CNTNAP5: variants seen among roughly 807,000 people sequenced by gnomAD.
The protein encoded by CNTNAP5 is contactin associated protein family member 5.
CNTNAP5 carries 72 observed loss-of-function variants against 150.2 expected under a neutral mutation model. That is an observed-to-expected ratio of 0.48 (90% CI 0.40 to 0.58). The LOEUF (loss-of-function observed/expected upper bound fraction) is 0.58. Ranked by LOEUF, CNTNAP5 falls within the 20% of genes least tolerant of loss-of-function variation. CNTNAP5 has a pLI of 0.00. For missense variants in CNTNAP5, 1,636 were observed against 1,626.2 expected, an observed-to-expected ratio of 1.01 and a Z score of -0.10; for synonymous variants, 672 against 619.8, an observed-to-expected ratio of 1.08 and a Z score of -1.25.
rs6715888 is a variant in CNTNAP5 at position 124,589,928 on chromosome 2, A to G, written c.1757-19873A>G. Among the ~76,000 whole-genome samples, 1,188 of 152,286 alleles carry G rather than the reference A, an allele frequency of 7.8e-3. 15 individuals are homozygous for G. Among genetic ancestry groups the G allele is most frequent in the African/African-American group, 0.027 (1,129 of 41,570 alleles). ...ATGTTGAAAACTTAATGCTTAATGC[A>G]GCAGTGTTGGGAGGTGGGACCTTTA... On this transcript the variant is annotated intron_variant, in intron 11 of 23. Coordinates refer to ENST00000682447, the MANE Select transcript of CNTNAP5 (RefSeq NM_001367498.1).
chr2:124,077,434 T>G (rs1682464888), intron 1 of CNTNAP5, among the ~76,000 whole-genome samples: 2 of 152,184 alleles, frequency 1.3e-5, no homozygotes, highest in African/African-American at 4.8e-5. Flanking sequence ...TTTCTGACAT[T>G]TGTGTTGTCA....
intron 6 of CNTNAP5, among the ~76,000 whole-genome samples, chr2:124,470,721 A>G (rs1211041886): frequency 6.6e-6 from 1 of 152,072 alleles, no homozygotes; most frequent in African/African-American, 2.4e-5. Context: ...TAAGTCTTTA[A>G]TCCATCTTGA....
intron 18 of CNTNAP5, among the ~76,000 whole-genome samples, chr2:124,791,307 A>G (rs1400504246): frequency 6.6e-6 from 1 of 152,206 alleles, no homozygotes; most frequent in East Asian, 1.9e-4. Flanking sequence ...CCTGAAGAGC[A>G]TGTCATGCTT....
chr2:124,890,239 T>A (rs192361510), intron 21 of CNTNAP5, among the ~76,000 whole-genome samples: 56 of 152,232 alleles, frequency 3.7e-4, no homozygotes, highest in African/African-American at 1.3e-3. Flanking sequence ...AATCTTTCTC[T>A]GGTCATAGAA....
At chr2:124,828,149 GT>G (rs1175107188) in intron 19 of CNTNAP5, among the ~76,000 whole-genome samples, 2 of 152,068 alleles carry the variant, frequency 1.3e-5, no homozygotes, top group Non-Finnish European at 2.9e-5. Flanking sequence ...TTTTTCAAAG[GT>G]TGTAAAGTTT....
chr2:124,597,914 C>T (rs1394083281), intron 11 of CNTNAP5, among the ~76,000 whole-genome samples: 1 of 135,922 alleles, frequency 7.4e-6, no homozygotes, highest in African/African-American at 2.7e-5. Flanking sequence ...TTGCTGATAC[C>T]CTTTCTTCCA....
At chr2:124,243,664 G>C (rs1477593751) in intron 3 of CNTNAP5, among the ~76,000 whole-genome samples, 1 of 152,126 alleles carries the variant, frequency 6.6e-6, no homozygotes, top group African/African-American at 2.4e-5. Flanking sequence ...CTTGAAGGGA[G>C]AGGTTGGGAG....
At chr2:124,248,549 C>T (rs2104776525) in intron 3 of CNTNAP5, among the ~76,000 whole-genome samples, 1 of 152,370 alleles carries the variant, frequency 6.6e-6, no homozygotes, top group East Asian at 1.9e-4. Flanking sequence ...AACAGCTGGT[C>T]TTCACCCCAG....
At chr2:124,573,762 TC>T (rs1173268406) in intron 11 of CNTNAP5, among the ~76,000 whole-genome samples, 1 of 152,204 alleles carries the variant, frequency 6.6e-6, no homozygotes, top group Non-Finnish European at 1.5e-5. Context: ...CATTTGTGCC[TC>T]CACTTTGAAT....
intron 8 of CNTNAP5, among the ~76,000 whole-genome samples, chr2:124,518,035 A>G (rs1282721819): frequency 6.6e-6 from 1 of 152,000 alleles, no homozygotes; most frequent in Non-Finnish European, 1.5e-5. Context: ...GTGCTGCTAC[A>G]CATCTGACAC....
Position 124,295,839 on chromosome 2 carries a change from A to G in CNTNAP5, c.381+53446A>G, listed in dbSNP as rs538397608. On this transcript the variant is annotated intron_variant, in intron 3 of 23. Coordinates refer to ENST00000682447, the MANE Select transcript of CNTNAP5 (RefSeq NM_001367498.1). The stretch of plus-strand genomic sequence containing the variant: ...TATAGGGTAACTTCCTGACATTGCC[A>G]TGGCAGTTACCATCATTCTGACTTT... Among the ~76,000 whole-genome samples the G allele has an allele frequency of 3.3e-5, 5 of 152,292 alleles. No homozygotes were observed. In the South Asian group the frequency reaches 1.0e-3, roughly 32 times the overall value.
At chr2:124,369,545 T>C (rs553689942) in intron 3 of CNTNAP5, among the ~76,000 whole-genome samples, 60 of 152,290 alleles carry the variant, frequency 3.9e-4, no homozygotes, top group African/African-American at 1.4e-3. Context: ...TGATTCTAAA[T>C]CAGAGATAGG....
chr2:124,276,310 T>C (rs1687882793), intron 3 of CNTNAP5, among the ~76,000 whole-genome samples: 2 of 152,172 alleles, frequency 1.3e-5, no homozygotes, highest in African/African-American at 4.8e-5. Flanking sequence ...ACTTCAAATA[T>C]GAAATGATGT....
At chr2:124,675,970 G>A (rs145187521) in intron 13 of CNTNAP5, among the ~76,000 whole-genome samples, 1 of 152,220 alleles carries the variant, frequency 6.6e-6, no homozygotes, top group East Asian at 1.9e-4. Context: ...ATAATATAAT[G>A]TGGAAATTCT....
At chr2:124,539,820 C>A (rs910634060) in intron 10 of CNTNAP5, among the ~76,000 whole-genome samples, 2 of 152,078 alleles carry the variant, frequency 1.3e-5, no homozygotes, top group African/African-American at 2.4e-5. Context: ...ACATATATAA[C>A]CTATTTTATT....
At chr2:124,218,707 C>T (rs1447334422) in intron 1 of CNTNAP5, among the ~76,000 whole-genome samples, 5 of 152,068 alleles carry the variant, frequency 3.3e-5, no homozygotes, top group Admixed American at 2.6e-4. Flanking sequence ...AGTTAATGGG[C>T]TCTGGAAGCT....
chr2:124,671,180 C>A (rs555100182), intron 13 of CNTNAP5, among the ~76,000 whole-genome samples: 74 of 152,280 alleles, frequency 4.9e-4, no homozygotes, highest in African/African-American at 1.8e-3. Context: ...ATCATCACTA[C>A]CAAGAAATGT....
intron 11 of CNTNAP5, among the ~76,000 whole-genome samples, chr2:124,582,420 A>C (rs575796897): frequency 6.6e-6 from 1 of 152,330 alleles, no homozygotes; most frequent in South Asian, 2.1e-4. Context: ...ATTTCTGATA[A>C]GGACAAAAAT....
intron 12 of CNTNAP5, among the ~76,000 whole-genome samples, chr2:124,628,438 A>T (rs1573507690): frequency 6.6e-6 from 1 of 152,282 alleles, no homozygotes; most frequent in South Asian, 2.1e-4. Flanking sequence ...ATAAATTCCA[A>T]CCCAGAATTT....
Sources: allele counts gnomAD v4.1 joint callset (sites outside exome capture counted in the v4.1 genomes callset), GRCh38; gene constraint gnomAD v4.1.1; transcripts MANE v1.5; gene names NCBI Gene and HGNC (gene_info 2026-07-23, HGNC 2026-07-21).